The following DLGAP4 variants were observed in gnomAD, a reference collection of about 807,000 sequenced individuals.
DLGAP4 encodes the protein disks large-associated protein 4.
Under a neutral mutation model 86.9 loss-of-function variants are expected in DLGAP4, and 18 were observed. The observed-to-expected ratio is 0.21, with a 90% CI of 0.14 to 0.31. DLGAP4 has a LOEUF of 0.31. Among genes scored for constraint, DLGAP4 ranks in the 10% least tolerant of loss-of-function variants. The pLI, the probability that DLGAP4 is intolerant of heterozygous loss-of-function variation, is 1.00. For missense variants in DLGAP4, 1,085 were observed against 1,362.6 expected (o/e 0.80, Z 3.21); for synonymous variants, 548 against 574.3 (o/e 0.95, Z 0.65).
intron 1 of DLGAP4, among the ~76,000 whole-genome samples, chr20:36,313,532 A>C (rs976757979): frequency 2.7e-5 from 4 of 146,742 alleles, no homozygotes; most frequent in Admixed American, 6.8e-5. Flanking sequence ...GCAGCTTTGC[A>C]GTGACAGCTC....
At chr20:36,383,329 A>G (rs2031473343) in intron 2 of DLGAP4, among the ~76,000 whole-genome samples, 1 of 152,234 alleles carries the variant, frequency 6.6e-6, no homozygotes, top group African/African-American at 2.4e-5. Flanking sequence ...AGACGGCCTC[A>G]GGGATGAGTG....
intron 2 of DLGAP4, among the ~76,000 whole-genome samples, chr20:36,369,331 G>A (rs1362814165): frequency 6.6e-6 from 1 of 152,084 alleles, no homozygotes; most frequent in Non-Finnish European, 1.5e-5. Flanking sequence ...GGTGGCTCAG[G>A]CCTGTAATCC....
intron 8 of DLGAP4, chr20:36,499,371 C>G: frequency 6.5e-7 from 1 of 1,533,452 alleles, no homozygotes; most frequent in Non-Finnish European, 8.9e-7. Flanking sequence ...GCCCACCTGC[C>G]CGCCCGCCCG....
At chr20:36,525,641 T>C (rs2037705128) in intron 11 of DLGAP4, 1 of 633,236 alleles carries the variant, frequency 1.6e-6, no homozygotes, top group Non-Finnish European at 2.7e-6. Context: ...CCACAGCCCT[T>C]AGACTATCCC....
intron 10 of DLGAP4, chr20:36,508,422 C>CTTTTTTTTTTTT (rs745815364): frequency 2.8e-4 from 26 of 94,466 alleles, no homozygotes; most frequent in African/African-American, 1.1e-3. Flanking sequence ...TTTCAGGGTT[C>CTTTTTTTTTTTT]TTTTTTTTTT....
intron 7 of DLGAP4, among the ~76,000 whole-genome samples, chr20:36,453,298 ATTT>A (rs1267841150): frequency 6.6e-6 from 1 of 151,778 alleles, no homozygotes; most frequent in Non-Finnish European, 1.5e-5. Context: ...TCTACAAAAA[ATTT>A]TTTTTTAGTT....
At chr20:36,483,248 A>G (rs903158611) in intron 7 of DLGAP4, among the ~76,000 whole-genome samples, 2 of 152,188 alleles carry the variant, frequency 1.3e-5, no homozygotes, top group Non-Finnish European at 2.9e-5. Flanking sequence ...CTGCAGTGGT[A>G]GTAGAAATGG....
chr20:36,521,265 GATCCCTCTGATTTCTCCC>G (rs1422285647), intron 10 of DLGAP4, among the ~76,000 whole-genome samples: 4 of 152,146 alleles, frequency 2.6e-5, no homozygotes, highest in Admixed American at 6.6e-5. Context: ...TCATAACCAT[GATCCCTCTGATTTCTCCC>G]ATCCCTCTGT....
At chr20:36,380,593 A>AAG (rs57814145) in intron 2 of DLGAP4, among the ~76,000 whole-genome samples, 79 of 97,192 alleles carry the variant, frequency 8.1e-4, no homozygotes, top group Non-Finnish European at 1.3e-3. Flanking sequence ...GTCTGCATTA[A>AAG]AGAGAGAGAG....
intron 1 of DLGAP4, among the ~76,000 whole-genome samples, chr20:36,331,235 C>T (rs1254521547): frequency 6.6e-6 from 1 of 152,234 alleles, no homozygotes; most frequent in Non-Finnish European, 1.5e-5. Context: ...TGCTCCCAGC[C>T]CTTCAGGGAG....
intron 10 of DLGAP4, among the ~76,000 whole-genome samples, chr20:36,522,361 T>G (rs866026024): frequency 1.3e-5 from 2 of 152,134 alleles, no homozygotes; most frequent in African/African-American, 4.8e-5. Flanking sequence ...GGTTTCACTT[T>G]GTTGCCCAGG....
chr20:36,459,664 A>G (rs921553269), intron 7 of DLGAP4, among the ~76,000 whole-genome samples: 1 of 152,108 alleles, frequency 6.6e-6, no homozygotes, highest in Non-Finnish European at 1.5e-5. Flanking sequence ...CTGGAGTGCA[A>G]TGGCGCAATC....
At chr20:36,335,400 C>A (rs1555891972) in intron 1 of DLGAP4, among the ~76,000 whole-genome samples, 1 of 152,180 alleles carries the variant, frequency 6.6e-6, no homozygotes, top group Non-Finnish European at 1.5e-5. Flanking sequence ...GCCGCAGCCT[C>A]TGTTTGCTCA....
At position 36,491,147 on chromosome 20, in the gene DLGAP4, G is replaced by A. The variant is rs541869469; in HGVS notation, c.1649-5558G>A. ...GTGGAGGATGCAGTGAGCCAAGATCGCACCACTGCACTCCAGCCTGGGCGA... is the reference window on the plus strand; with the variant it reads ...GTGGAGGATGCAGTGAGCCAAGATCACACCACTGCACTCCAGCCTGGGCGA... On this transcript the variant is annotated intron_variant, in intron 7 of 12. Transcript: ENST00000339266. 6.6e-5 allele frequency among the ~76,000 whole-genome samples: 10 copies of A among 150,806 alleles called. No homozygotes were observed. The East Asian group carries it at 2.0e-3, about 29-fold the overall frequency.
At chr20:36,507,575 C>T (rs989562758) in intron 10 of DLGAP4, 1 of 152,166 alleles carries the variant, frequency 6.6e-6, no homozygotes, top group Non-Finnish European at 1.5e-5. Context: ...TGAGGAACTC[C>T]ACCAAGGAGA....
chr20:36,420,234 C>T (rs1037908966), intron 2 of DLGAP4, among the ~76,000 whole-genome samples: 5 of 152,282 alleles, frequency 3.3e-5, no homozygotes, highest in East Asian at 3.9e-4. Flanking sequence ...ATGCTGGAGA[C>T]GCAGTGGTGG....
intron 2 of DLGAP4, among the ~76,000 whole-genome samples, chr20:36,411,379 C>T (rs1000413139): frequency 2.6e-5 from 4 of 152,196 alleles, no homozygotes; most frequent in Non-Finnish European, 5.9e-5. Flanking sequence ...GCTGTGTTCA[C>T]TTTACAGTAC....
At chr20:36,330,601 T>TC (rs1467155316) in intron 1 of DLGAP4, among the ~76,000 whole-genome samples, 2 of 150,260 alleles carry the variant, frequency 1.3e-5, no homozygotes, top group Non-Finnish European at 3.0e-5. Flanking sequence ...TCAACTCCTT[T>TC]CCCCTCTGTC....
chr20:36,373,209 G>T (rs917492933), intron 2 of DLGAP4, among the ~76,000 whole-genome samples: 1 of 152,200 alleles, frequency 6.6e-6, no homozygotes, highest in Non-Finnish European at 1.5e-5. Context: ...ACAAAAAATA[G>T]ATTCGATTGA....
Sources: allele counts gnomAD v4.1 joint callset (sites outside exome capture counted in the v4.1 genomes callset), GRCh38; gene constraint gnomAD v4.1.1; transcripts MANE v1.5; gene names NCBI Gene and HGNC (gene_info 2026-07-23, HGNC 2026-07-21).